Variants in ITPRID2 observed in about 807,000 individuals in gnomAD.
The protein encoded by ITPRID2 is protein ITPRID2.
In ITPRID2, 60 loss-of-function variants were observed where a neutral mutation model predicts 124.3. That is an observed-to-expected ratio of 0.48 (90% CI 0.39 to 0.60). The LOEUF (loss-of-function observed/expected upper bound fraction) is 0.60. ITPRID2 is among the 20% of genes least tolerant of loss of function. The probability of loss-of-function intolerance (pLI) is 0.00; values close to 1 mark genes in which losing one functional copy is unlikely to be tolerated. For synonymous variants in ITPRID2, 521 were observed against 542.9 expected, an observed-to-expected ratio of 0.96 and a Z score of 0.56; for missense variants, 1,553 against 1,512.2, an observed-to-expected ratio of 1.03 and a Z score of -0.45.
At position 181,916,055 on chromosome 2, in the gene ITPRID2, A is replaced by G; in HGVS notation, c.2415A>G (p.Ser805=). 2 of 1,614,224 alleles carry G rather than the reference A, an allele frequency of 1.2e-6. No homozygotes were observed. The highest frequency in any genetic ancestry group is 2.2e-5 in the East Asian group (1 of 44,884). Residue 805 remains serine (S), a synonymous_variant, in exon 11 of 18, where the codon TCA becomes TCG. Transcript: ENST00000431877. ...AATCGACCATTTTCATCTCTCCATC[A>G]TCTGTGAAGAAAGAAGAAGCCCCCC... ...LVKSTIFISP[S]SVKKEEAPQS...
chr2:181,914,390 A>G (rs1336572562), intron 10 of ITPRID2, among the ~76,000 whole-genome samples: 1 of 152,228 alleles, frequency 6.6e-6, no homozygotes, highest in African/African-American at 2.4e-5. Context: ...CAAGAAGCAT[A>G]TAGTCTATAT....
Position 181,892,031 on chromosome 2 carries a change from G to A in ITPRID2, c.-36G>A, listed in dbSNP as rs1049103285. On this transcript the variant is annotated 5_prime_UTR_variant, in exon 1 of 18. Transcript: ENST00000431877. This position sits in a 1 kb window ranked among gnomAD's most constrained non-coding sequence, Gnocchi z 5.2. ...CCCTGCCGCCGCCTTGTCTCGCGCAGGGTCCGGCTGGGGTAGCGGAGCCCC... is the reference window on the plus strand; with the variant it reads ...CCCTGCCGCCGCCTTGTCTCGCGCAAGGTCCGGCTGGGGTAGCGGAGCCCC... 3.2e-6 allele frequency: 5 copies of A among 1,542,042 alleles called. No individual in the cohort carries two copies. The highest frequency in any genetic ancestry group is 2.8e-5 in the African/African-American group (2 of 72,362).
Position 181,902,508 on chromosome 2 carries a change from A to C in ITPRID2, c.1413+42A>C. ...TGAGACTGGTTTCAAGTTGCAGACT[A>C]GGAAAAAAAGTACCAAAAATGCTTA... On this transcript the variant is annotated intron_variant, in intron 8 of 17. Coordinates refer to ENST00000431877, the MANE Select transcript of ITPRID2 (RefSeq NM_001130445.3). The surrounding 1 kb of genome is among the most constrained non-coding windows in gnomAD (Gnocchi z 4.4). The C allele has an allele frequency of 2.9e-6, 4 of 1,396,908 alleles. No homozygotes were observed. The highest frequency in any genetic ancestry group is 3.8e-6 in the Non-Finnish European group (4 of 1,039,708). The allele number at this position is 1,396,908 out of a possible 1,614,324, so 86.5% of individuals were successfully genotyped here.
At chr2:181,925,996 A>G (rs548975801) in intron 16 of ITPRID2, among the ~76,000 whole-genome samples, 1 of 152,076 alleles carries the variant, frequency 6.6e-6, no homozygotes, top group Non-Finnish European at 1.5e-5. Context: ...GAAACCGACG[A>G]GGTGTGGTGG....
rs539216704 is a variant in ITPRID2, at chr2:181,910,835, C to G, written c.1486+864C>G. Among the ~76,000 whole-genome samples the G allele has an allele frequency of 6.6e-6, 1 of 152,242 alleles. No homozygotes were observed. The highest frequency in any genetic ancestry group is 2.1e-4 in the South Asian group (1 of 4,818). On this transcript the variant is annotated intron_variant, in intron 9 of 17. Transcript: ENST00000431877. This position sits in a 1 kb window ranked among gnomAD's most constrained non-coding sequence, Gnocchi z 4.1. Reference sequence around the variant, plus strand: ...AAGAAACAAGAGCTTCACTCTCACTCGGTCACTGCAGCTCTGGTTAGACTC... The same window carrying G: ...AAGAAACAAGAGCTTCACTCTCACTGGGTCACTGCAGCTCTGGTTAGACTC...
At position 181,892,899 on chromosome 2, in the gene ITPRID2, T is replaced by G. The variant is rs913886547; in HGVS notation, c.257+239T>G. On this transcript the variant is annotated intron_variant, in intron 2 of 17. Transcript: ENST00000431877. The surrounding 1 kb of genome is among the most constrained non-coding windows in gnomAD (Gnocchi z 5.2). The stretch of plus-strand genomic sequence containing the variant: ...GGACTTGAGCTACTCACGCATCGTG[T>G]TAGCATCAGAGATCAGAAATCCAGA... 1 of 584,106 alleles carries G rather than the reference T, an allele frequency of 1.7e-6. No homozygotes were observed. The highest frequency in any genetic ancestry group is 1.9e-5 in the African/African-American group (1 of 53,682). 36.2% of individuals were successfully genotyped at this position (584,106 alleles called of 1,614,324 possible). A position where few individuals can be genotyped will look rare whatever the true frequency, so the allele number is the denominator to read the frequency against.
chr2:181,926,828 T>C (rs1440352580), intron 16 of ITPRID2, among the ~76,000 whole-genome samples: 1 of 152,158 alleles, frequency 6.6e-6, no homozygotes, highest in Non-Finnish European at 1.5e-5. Context: ...GGAAAGACTA[T>C]ACTCATTGTT....
intron 8 of ITPRID2, among the ~76,000 whole-genome samples, chr2:181,904,058 A>AG (rs755146084): frequency 2.0e-5 from 3 of 152,244 alleles, no homozygotes; most frequent in Non-Finnish European, 4.4e-5. Context: ...CACTCTTCAA[A>AG]GAAGTCAAGG....
rs762935046 is a variant in ITPRID2 at position 181,915,827 on chromosome 2, A to C, written c.2187A>C (p.Lys729Asn). 4 of 1,614,232 alleles carry C rather than the reference A, an allele frequency of 2.5e-6. No homozygotes were observed. In the African/African-American group the frequency reaches 4.0e-5, roughly 16 times the overall value. Residue 729 changes from lysine (K) to asparagine (N), a missense_variant, in exon 11 of 18, where the codon AAA (lysine) becomes AAC (asparagine). Transcript: ENST00000431877. The part of the protein sequence containing the change: ...DLLKQRYLFA[K>N]AGYPLRRSQS... ...TAAAACAAAGGTACTTATTTGCAAA[A>C]GCTGGCTATCCTCTAAGAAGGTCTC...
chr2:181,926,042 G>A (rs1173406930), intron 16 of ITPRID2, among the ~76,000 whole-genome samples: 1 of 152,084 alleles, frequency 6.6e-6, no homozygotes, highest in Non-Finnish European at 1.5e-5. Context: ...GGGAGGCCGA[G>A]GTGGGCGGAT....
At position 181,922,251 on chromosome 2, in the gene ITPRID2, T is replaced by A; in HGVS notation, c.3514T>A (p.Leu1172Met). ...AGGCTCTGTGCAGACACCTCCAGATTTGGAAAGTTCTGAGGAAGTTGATGC... is the reference window on the plus strand; with the variant it reads ...AGGCTCTGTGCAGACACCTCCAGATATGGAAAGTTCTGAGGAAGTTGATGC... ...RTGSVQTPPDLESSEEVDAAE... is the reference protein window; with the variant it reads ...RTGSVQTPPDMESSEEVDAAE... Residue 1172 changes from leucine (L) to methionine (M), a missense_variant, in exon 16 of 18, where the codon TTG becomes ATG. Coordinates refer to ENST00000431877, the MANE Select transcript of ITPRID2 (RefSeq NM_001130445.3). 1.2e-6 allele frequency: 2 copies of A among 1,614,124 alleles called. No homozygotes were observed. Among genetic ancestry groups the A allele is most frequent in the Non-Finnish European group, 1.7e-6 (2 of 1,180,008 alleles).
rs982950532 is a variant in ITPRID2, at chr2:181,915,966, A to C, written c.2326A>C (p.Thr776Pro). 6.2e-7 allele frequency: 1 copy of C among 1,614,212 alleles called. No individual in the cohort carries two copies. The highest frequency in any genetic ancestry group is 1.1e-5 in the South Asian group (1 of 91,082). ...CCCACCTTCCTTCACCTATAAGTAC[A>C]CACCTGAAGAGGAGCAGGAATTGGA... ...CSPPSFTYKYTPEEEQELEKR... is the reference protein window; with the variant it reads ...CSPPSFTYKYPPEEEQELEKR... Residue 776 changes from threonine to proline, a missense_variant, in exon 11 of 18, where the codon ACA (threonine) becomes CCA (proline). Physicochemically the swap from Thr to Pro is conservative, Grantham distance 38. Coordinates refer to ENST00000431877, the MANE Select transcript of ITPRID2 (RefSeq NM_001130445.3).
intron 15 of ITPRID2, among the ~76,000 whole-genome samples, chr2:181,921,396 T>G (rs944805007): frequency 2.0e-5 from 3 of 151,744 alleles, no homozygotes; most frequent in Admixed American, 6.6e-5. Flanking sequence ...GAGACTTGCT[T>G]GAACCCGGGA....
At chr2:181,918,360 A>C in intron 11 of ITPRID2, 1 of 1,276,544 alleles carries the variant, frequency 7.8e-7, no homozygotes. Context: ...ATAGATGTGA[A>C]CTATGTTCCT....
intron 16 of ITPRID2, among the ~76,000 whole-genome samples, chr2:181,922,675 CAAAAT>C (rs774724377): frequency 1.2e-4 from 19 of 152,136 alleles, no homozygotes; most frequent in Non-Finnish European, 5.9e-5. Context: ...GTGAAGGACT[CAAAAT>C]AAACATGACG....
intron 2 of ITPRID2, chr2:181,894,838 T>G (rs1486267761): frequency 6.6e-6 from 1 of 152,116 alleles, no homozygotes; most frequent in Non-Finnish European, 1.5e-5. Context: ...CGAAGGAGGA[T>G]TCCTGTTACT....
chr2:181,928,458 C>T (rs1311660884), intron 17 of ITPRID2, among the ~76,000 whole-genome samples, 180 bp downstream of exon 17: 1 of 152,060 alleles, frequency 6.6e-6, no homozygotes. Context: ...TAAGTCAAAT[C>T]CCATAATACA....
Position 181,900,742 on chromosome 2 carries a change from C to G in ITPRID2, c.550C>G (p.Leu184Val). 1 of 1,612,180 alleles carries G rather than the reference C, an allele frequency of 6.2e-7. No homozygotes were observed. Residue 184 changes from leucine to valine, a missense_variant, in exon 7 of 18, where the codon CTT becomes GTT. Transcript: ENST00000431877. ...ELYEEDPEEI[L>V]YNLGFGRDEP... is the part of the protein sequence containing the mutation. ...TTATGAGGAAGATCCTGAAGAAATT[C>G]TTTATAATCTTGGATTTGGACGTGA...
Position 181,928,163 on chromosome 2 carries a change from T to G in ITPRID2, c.3678T>G (p.Ile1226Met). 6.5e-7 allele frequency: 1 copy of G among 1,538,812 alleles called. No individual in the cohort carries two copies. Among genetic ancestry groups the G allele is most frequent in the Non-Finnish European group, 8.8e-7 (1 of 1,140,650 alleles). ...QDELQQVIREIKESIVGEIRR... is the reference protein window; with the variant it reads ...QDELQQVIREMKESIVGEIRR... ...GTTTTATTGTTTTTCCAATCTAGATTAAAGAGTCTATTGTTGGGGAAATCA... is the reference window on the plus strand; with the variant it reads ...GTTTTATTGTTTTTCCAATCTAGATGAAAGAGTCTATTGTTGGGGAAATCA... The change falls in exon 17 of 18, where the codon ATT becomes ATG. Residue 1226 changes from isoleucine (I) to methionine (M), a missense_variant and splice_region_variant. Transcript: ENST00000431877.
Sources: gnomAD v4.1 joint callset for allele counts (sites outside exome capture counted in the v4.1 genomes callset) on GRCh38, gnomAD v4.1.1 for gene constraint, Gnocchi (gnomAD v3.1) non-coding constraint, MANE v1.5 for transcripts, NCBI Gene and HGNC (gene_info 2026-07-23, HGNC 2026-07-21) for gene names.